DENND11: variants seen among roughly 807,000 people sequenced by gnomAD.
The protein encoded by DENND11 is DENN domain-containing protein 11.
A neutral mutation model predicts 49.2 loss-of-function variants in DENND11; 34 were observed. That is an observed-to-expected ratio of 0.69 (90% CI 0.53 to 0.92). DENND11 has a LOEUF of 0.92. Among genes scored for constraint, DENND11 ranks in the 40% least tolerant of loss-of-function variants. DENND11 has a pLI of 0.00. For synonymous variants in DENND11, 238 were observed against 230.3 expected, an observed-to-expected ratio of 1.03 and a Z score of -0.30; for missense variants, 475 against 581.6, an observed-to-expected ratio of 0.82 and a Z score of 1.88.
In DENND11 at chr7:141,674,230, A is replaced by AACAC. The variant is rs35125206; in HGVS notation, c.528-14_528-11dup. On this transcript the variant is annotated splice_polypyrimidine_tract_variant and intron_variant, in intron 3 of 8. Coordinates refer to ENST00000536163, the MANE Select transcript of DENND11 (RefSeq NM_001080392.2). ...CATCTCCAACTGGTGCCTGCAGAAA[A>AACAC]ACACACACACACACACACACACACA... The AACAC allele has an allele frequency of 3.8e-3, 5,634 of 1,494,280 alleles. 2 individuals carry two copies. Among genetic ancestry groups the AACAC allele is most frequent in the Middle Eastern group, 5.7e-3 (26 of 4,560 alleles). 92.6% of individuals were successfully genotyped at this position (1,494,280 alleles called of 1,614,324 possible).
chr7:141,682,657 A>G (rs767022346), intron 3 of DENND11, among the ~76,000 whole-genome samples: 16 of 152,164 alleles, frequency 1.1e-4, no homozygotes, highest in Non-Finnish European at 2.1e-4. Context: ...GTCCCTGAAC[A>G]ATTGTATGGA....
chr7:141,695,551 T>C (rs1434486914), intron 1 of DENND11, among the ~76,000 whole-genome samples: 1 of 152,214 alleles, frequency 6.6e-6, no homozygotes, highest in Non-Finnish European at 1.5e-5. Flanking sequence ...GTAATCCTTA[T>C]GGGATGCCAT....
intron 3 of DENND11, among the ~76,000 whole-genome samples, chr7:141,676,563 A>C (rs531705140): frequency 2.0e-5 from 3 of 152,224 alleles, no homozygotes; most frequent in African/African-American, 7.2e-5. Flanking sequence ...ACAAGGCAAT[A>C]ATATGGAATC....
In DENND11 at chr7:141,680,169, G is replaced by A. The variant is rs945670080; in HGVS notation, c.527+5309C>T. On this transcript the variant is annotated intron_variant, in intron 3 of 8. Coordinates refer to ENST00000536163, the MANE Select transcript of DENND11 (RefSeq NM_001080392.2). Reference sequence around the variant, plus strand: ...AAACAACCAAATGTCTATTAATAATGAACTTGATAAATGCTATAATTCTAT... The same window carrying A: ...AAACAACCAAATGTCTATTAATAATAAACTTGATAAATGCTATAATTCTAT... Among the ~76,000 whole-genome samples the A allele has an allele frequency of 5.3e-5, 8 of 152,212 alleles. No homozygotes were observed. In the South Asian group the frequency reaches 8.3e-4, roughly 16 times the overall value.
chr7:141,677,147 C>T (rs1451252408), intron 3 of DENND11, among the ~76,000 whole-genome samples: 4 of 151,974 alleles, frequency 2.6e-5, no homozygotes, highest in African/African-American at 4.8e-5. Flanking sequence ...CTGAACAGGC[C>T]GGGCGTGGTG....
intron 4 of DENND11, among the ~76,000 whole-genome samples, chr7:141,666,902 C>T (rs1225172953): frequency 6.6e-6 from 1 of 152,122 alleles, no homozygotes; most frequent in Non-Finnish European, 1.5e-5. Context: ...ATAACCCCTG[C>T]TGCACTTCAC....
At chr7:141,669,626 A>G (rs933670821) in intron 4 of DENND11, among the ~76,000 whole-genome samples, 4 of 152,028 alleles carry the variant, frequency 2.6e-5, no homozygotes, top group African/African-American at 9.7e-5. Flanking sequence ...TTATTTCTAT[A>G]AAGTTTTATA....
chr7:141,701,965 C>T lies in DENND11; in HGVS notation c.189G>A (p.Gln63=). 2.5e-6 allele frequency: 3 copies of T among 1,179,450 alleles called. No individual in the cohort carries two copies. Among genetic ancestry groups the T allele is most frequent in the Non-Finnish European group, 3.1e-6 (3 of 955,010 alleles). The allele number at this position is 1,179,450 out of a possible 1,614,324, so 73.1% of individuals were successfully genotyped here. A position where few individuals can be genotyped will look rare whatever the true frequency, so the allele number is the denominator to read the frequency against. ...EEPAAPEVLL[Q]PGRLELGDVE... ...CGTCGCCCAGCTCCAGGCGCCCGGG[C>T]TGCAGCAGCACCTCCGGGGCGGCCG... The change falls in exon 1 of 9, where the codon CAG becomes CAA. Residue 63 remains glutamine, a synonymous_variant. Transcript: ENST00000536163.
intron 1 of DENND11, among the ~76,000 whole-genome samples, chr7:141,690,641 T>C (rs939144782): frequency 1.3e-5 from 2 of 152,208 alleles, no homozygotes; most frequent in African/African-American, 4.8e-5. Context: ...AGGAATAGAA[T>C]TGCTTTAAAA....
At chr7:141,686,517 G>A (rs1427765973) in intron 2 of DENND11, 42 bp downstream of exon 2, 1 of 1,278,020 alleles carries the variant, frequency 7.8e-7, no homozygotes, top group Admixed American at 1.8e-5. Flanking sequence ...TGTGGAGGTG[G>A]GGGGAATGGT....
Position 141,656,782 on chromosome 7 carries a change from A to G in DENND11, c.*5874T>C, listed in dbSNP as rs768099063. ...AAAATCATTTTCTGTAAATATAGTT[A>G]TATCAACCTCTCTGCACACAACTTG... On this transcript the variant is annotated 3_prime_UTR_variant, in exon 9 of 9. Coordinates refer to ENST00000536163, the MANE Select transcript of DENND11 (RefSeq NM_001080392.2). 4.6e-5 allele frequency: 7 copies of G among 152,718 alleles called. No homozygotes were observed. Among genetic ancestry groups the G allele is most frequent in the Non-Finnish European group, 8.8e-5 (6 of 68,070 alleles). The allele number at this position is 152,718 out of a possible 1,614,324, so 9.5% of individuals were successfully genotyped here. A position where few individuals can be genotyped will look rare whatever the true frequency, so the allele number is the denominator to read the frequency against.
At chr7:141,691,381 A>G (rs1161759476) in intron 1 of DENND11, among the ~76,000 whole-genome samples, 2 of 152,184 alleles carry the variant, frequency 1.3e-5, no homozygotes, top group Non-Finnish European at 2.9e-5. Flanking sequence ...ATAGACTCCT[A>G]TCTTGATTAT....
chr7:141,700,396 C>A (rs1477242739), intron 1 of DENND11, among the ~76,000 whole-genome samples: 1 of 149,960 alleles, frequency 6.7e-6, no homozygotes, highest in Non-Finnish European at 1.5e-5. Flanking sequence ...TGCGAGTCAA[C>A]CAGCATGTGT....
At position 141,661,741 on chromosome 7, in the gene DENND11, T is replaced by C. The variant is rs544847785; in HGVS notation, c.*915A>G. 1 of 152,250 alleles carries C rather than the reference T, an allele frequency of 6.6e-6. No individual in the cohort carries two copies. Among genetic ancestry groups the C allele is most frequent in the African/African-American group, 2.4e-5 (1 of 41,458 alleles). 9.4% of individuals were successfully genotyped at this position (152,250 alleles called of 1,614,324 possible). Reference sequence around the variant, plus strand: ...AGAATTCGTGTCCAGATGAAGAGACTTAGAGTGGCTTCTCCATCCTGCTCG... The same window carrying C: ...AGAATTCGTGTCCAGATGAAGAGACCTAGAGTGGCTTCTCCATCCTGCTCG... On this transcript the variant is annotated 3_prime_UTR_variant, in exon 9 of 9. Transcript: ENST00000536163.
At chr7:141,693,302 A>G (rs1312964195) in intron 1 of DENND11, among the ~76,000 whole-genome samples, 1 of 152,254 alleles carries the variant, frequency 6.6e-6, no homozygotes, top group Non-Finnish European at 1.5e-5. Context: ...TAAAATAACA[A>G]TGAGATATCA....
At chr7:141,664,619 C>T (rs915288318) in intron 7 of DENND11, among the ~76,000 whole-genome samples, 6 of 152,190 alleles carry the variant, frequency 3.9e-5, no homozygotes, top group South Asian at 2.1e-4. Flanking sequence ...CTAAAGGTCA[C>T]GTGGAGAGCA....
chr7:141,692,378 C>T (rs377351400), intron 1 of DENND11, among the ~76,000 whole-genome samples: 6 of 152,068 alleles, frequency 3.9e-5, no homozygotes, highest in African/African-American at 4.8e-5. Context: ...CACCCAACTT[C>T]GAGACTTATA....
Position 141,662,533 on chromosome 7 carries a change from G to A in DENND11, c.*123C>T. 1 of 595,026 alleles carries A rather than the reference G, an allele frequency of 1.7e-6. No individual in the cohort carries two copies. The highest frequency in any genetic ancestry group is 2.6e-6 in the Non-Finnish European group (1 of 388,102). The allele number at this position is 595,026 out of a possible 1,614,324, so 36.9% of individuals were successfully genotyped here. On this transcript the variant is annotated 3_prime_UTR_variant, in exon 9 of 9. Coordinates refer to ENST00000536163, the MANE Select transcript of DENND11 (RefSeq NM_001080392.2). ...GGAAATTGCAAAAATTATGTTTGTT[G>A]GAAAGTATAAACAATATTCCTTTGT...
At chr7:141,684,409 C>A (rs967766952) in intron 3 of DENND11, among the ~76,000 whole-genome samples, 5 of 152,134 alleles carry the variant, frequency 3.3e-5, no homozygotes, top group African/African-American at 1.2e-4. Flanking sequence ...ATTTCATTAA[C>A]ACAGCCTGCT....
Sources: allele counts gnomAD v4.1 joint callset (sites outside exome capture counted in the v4.1 genomes callset), GRCh38; gene constraint gnomAD v4.1.1; transcripts MANE v1.5; gene names NCBI Gene and HGNC (gene_info 2026-07-23, HGNC 2026-07-21).